Variants in UNC13C observed in about 807,000 individuals in gnomAD.
UNC13C encodes the protein unc-13 homolog C, also known as protein unc-13 homolog C.
Under a neutral mutation model 245.4 loss-of-function variants are expected in UNC13C, and 174 were observed. The observed-to-expected ratio is 0.71, with a 90% CI of 0.63 to 0.80. UNC13C has a LOEUF of 0.80. Among genes scored for constraint, UNC13C ranks in the 30% least tolerant of loss-of-function variants. The probability of loss-of-function intolerance (pLI) is 0.00; values close to 1 mark genes in which losing one functional copy is unlikely to be tolerated. For synonymous variants in UNC13C, 992 were observed against 895.1 expected (o/e 1.11, Z -1.93); for missense variants, 2,829 against 2,602.9 (o/e 1.09, Z -1.89).
chr15:53,995,479 C>A (rs186019267), intron 1 of UNC13C, among the ~76,000 whole-genome samples: 23 of 150,806 alleles, frequency 1.5e-4, no homozygotes, highest in African/African-American at 5.4e-4. Flanking sequence ...ACCCCACCCC[C>A]CTGAAAGTTT....
At chr15:54,506,477 T>G (rs1894481705) in intron 22 of UNC13C, among the ~76,000 whole-genome samples, 1 of 152,036 alleles carries the variant, frequency 6.6e-6, no homozygotes, top group South Asian at 2.1e-4. Context: ...ATTTTCAAGG[T>G]CAACTTTCTA....
intron 4 of UNC13C, among the ~76,000 whole-genome samples, chr15:54,172,405 T>A (rs889509082): frequency 6.6e-6 from 1 of 151,846 alleles, no homozygotes; most frequent in Admixed American, 6.6e-5. Context: ...CACAATTTTT[T>A]AAATTGCCTG....
intron 18 of UNC13C, among the ~76,000 whole-genome samples, chr15:54,409,085 C>A (rs1215462980): frequency 6.6e-6 from 1 of 152,066 alleles, no homozygotes; most frequent in East Asian, 1.9e-4. Context: ...AAATCAACTT[C>A]AACAAAAGCC....
intron 2 of UNC13C, among the ~76,000 whole-genome samples, chr15:54,103,368 C>A (rs1900265621): frequency 6.6e-6 from 1 of 152,178 alleles, no homozygotes; most frequent in African/African-American, 2.4e-5. Flanking sequence ...ATCTTACATT[C>A]TTATACCCAA....
the UNC13C span, among the ~76,000 whole-genome samples, chr15:53,867,548 T>C: frequency 6.6e-6 from 1 of 152,182 alleles, no homozygotes; most frequent in African/African-American, 2.4e-5. Flanking sequence ...AATCAATGTC[T>C]TTCTTTTCTG....
chr15:53,987,810 G>T (rs1454296810), intron 1 of UNC13C, among the ~76,000 whole-genome samples: 5 of 152,048 alleles, frequency 3.3e-5, no homozygotes, highest in African/African-American at 1.2e-4. Flanking sequence ...CTATCTGAAG[G>T]ATGTCTCTGT....
intron 13 of UNC13C, among the ~76,000 whole-genome samples, chr15:54,315,440 C>T (rs1249976309): frequency 2.0e-5 from 3 of 151,332 alleles, no homozygotes; most frequent in Non-Finnish European, 4.4e-5. Context: ...ATTCCAGTTT[C>T]CTGGGTTTAC....
the UNC13C span, among the ~76,000 whole-genome samples, chr15:53,843,280 G>GA: frequency 2.8e-4 from 43 of 151,752 alleles, no homozygotes; most frequent in South Asian, 7.3e-3. Context: ...TCTCTACCAA[G>GA]AAAAAAAACT....
the UNC13C span, among the ~76,000 whole-genome samples, chr15:53,941,010 C>T: frequency 2.6e-5 from 4 of 151,978 alleles, no homozygotes; most frequent in African/African-American, 4.8e-5. Context: ...CAATCGTAAA[C>T]AGAAACAACA....
At position 54,594,352 on chromosome 15, in the gene UNC13C, G is replaced by A. The variant is rs1851009; in HGVS notation, c.6106+26405G>A. On this transcript the variant is annotated intron_variant, in intron 30 of 32. Coordinates refer to ENST00000260323, the MANE Select transcript of UNC13C (RefSeq NM_001080534.3). ...AGAAAGCATCAGCTGTAGTAGTGTG[G>A]AGAAGGACCATTGGTGGGCGATGCC... Among the ~76,000 whole-genome samples, 583 of 152,180 alleles carry A rather than the reference G, an allele frequency of 3.8e-3. 2 individuals are homozygous for A. The highest frequency in any genetic ancestry group is 0.013 in the African/African-American group (542 of 41,522).
intron 19 of UNC13C, among the ~76,000 whole-genome samples, chr15:54,424,006 T>A (rs1000014377): frequency 2.0e-5 from 3 of 151,850 alleles, no homozygotes; most frequent in Non-Finnish European, 4.4e-5. Context: ...GAAACAGAAA[T>A]ATTTACATGT....
chr15:54,296,604 G>T (rs977373730), intron 11 of UNC13C, among the ~76,000 whole-genome samples: 1 of 152,110 alleles, frequency 6.6e-6, no homozygotes, highest in African/African-American at 2.4e-5. Context: ...TAGAAGGGAA[G>T]AATCTTTGCA....
chr15:54,050,316 C>T, intron 2 of UNC13C: 1 of 590,822 alleles, frequency 1.7e-6, no homozygotes, highest in Non-Finnish European at 3.3e-6. Context: ...GTATAAAGAA[C>T]ATTTTCTGAA....
intron 30 of UNC13C, among the ~76,000 whole-genome samples, chr15:54,592,211 T>C (rs1596632467): frequency 6.6e-6 from 1 of 152,202 alleles, no homozygotes; most frequent in East Asian, 1.9e-4. Flanking sequence ...TTTTATGGCC[T>C]ATCATATGGT....
intron 23 of UNC13C, among the ~76,000 whole-genome samples, chr15:54,509,685 CTTTTTTCATTTACTATGAAGTTGTTCT>C (rs1894648601): frequency 6.6e-6 from 1 of 152,020 alleles, no homozygotes; most frequent in Non-Finnish European, 1.5e-5. Flanking sequence ...TGTCAGTTTC[CTTTTTTCATTTACTATGAAGTTGTTCT>C]TTTTTTCATT....
intron 13 of UNC13C, among the ~76,000 whole-genome samples, chr15:54,319,513 C>A (rs1490241438): frequency 6.6e-6 from 1 of 151,914 alleles, no homozygotes; most frequent in Admixed American, 6.6e-5. Context: ...AATCATGGAA[C>A]TCACATAGCA....
rs1282943256 is a variant in UNC13C at position 54,310,886 on chromosome 15, A to G, written c.4268+10513A>G. 2.6e-5 allele frequency among the ~76,000 whole-genome samples: 4 copies of G among 151,668 alleles called. No homozygotes were observed. In the South Asian group the frequency reaches 6.2e-4, roughly 24 times the overall value. On this transcript the variant is annotated intron_variant, in intron 13 of 32. Transcript: ENST00000260323. Reference sequence around the variant, plus strand: ...TACTGATTCATATTTTTCCTTTTGTAAGATTTGTCTGTTTTTCTTTTTTCC... The same window carrying G: ...TACTGATTCATATTTTTCCTTTTGTGAGATTTGTCTGTTTTTCTTTTTTCC...
the UNC13C span, among the ~76,000 whole-genome samples, chr15:53,850,502 GGTT>G: frequency 6.6e-6 from 1 of 152,082 alleles, no homozygotes; most frequent in Non-Finnish European, 1.5e-5. Flanking sequence ...TTCTTTAAAA[GGTT>G]GTCATTTGAT....
the UNC13C span, among the ~76,000 whole-genome samples, chr15:53,846,193 T>C: frequency 3.3e-5 from 5 of 152,168 alleles, no homozygotes; most frequent in Non-Finnish European, 7.4e-5. Context: ...TACGATGGAT[T>C]TATTGAGGCA....
Sources: gnomAD v4.1 joint callset for allele counts (sites outside exome capture counted in the v4.1 genomes callset) on GRCh38, gnomAD v4.1.1 for gene constraint, MANE v1.5 for transcripts, NCBI Gene and HGNC (gene_info 2026-07-23, HGNC 2026-07-21) for gene names.